The following ADAMTS18 variants were observed in gnomAD, a reference collection of about 807,000 sequenced individuals.
ADAMTS18 encodes ADAM metallopeptidase with thrombospondin type 1 motif 18, also known as A disintegrin and metalloproteinase with thrombospondin motifs 18.
A neutral mutation model predicts 165.9 loss-of-function variants in ADAMTS18; 157 were observed. That is an observed-to-expected ratio of 0.95 (90% CI 0.83 to 1.08). The LOEUF (loss-of-function observed/expected upper bound fraction) is 1.08, where lower values mean the gene tolerates loss of function less well. Ranked by LOEUF, ADAMTS18 falls within the 50% of genes least tolerant of loss-of-function variation. The pLI, the probability that ADAMTS18 is intolerant of heterozygous loss-of-function variation, is 0.00. For synonymous variants in ADAMTS18, 782 were observed against 578.2 expected, an observed-to-expected ratio of 1.35 and a Z score of -5.06; for missense variants, 2,040 against 1,534.0, an observed-to-expected ratio of 1.33 and a Z score of -5.51.
rs2055321024 is a variant in ADAMTS18, at chr16:77,289,419, A to G, written c.3403-8T>C. 2 of 1,613,826 alleles carry G rather than the reference A, an allele frequency of 1.2e-6. No homozygotes were observed. The highest frequency in any genetic ancestry group is 2.2e-5 in the East Asian group (1 of 44,872). ...CCCACAGGTGACTGTGCACTGCAGC[A>G]GAGAGAAGAGGAAGGAGTCAGAAAC... On this transcript the variant is annotated splice_polypyrimidine_tract_variant and splice_region_variant and intron_variant, in intron 21 of 22. Coordinates refer to ENST00000282849, the MANE Select transcript of ADAMTS18 (RefSeq NM_199355.4).
At chr16:77,425,748 A>G (rs2057663285) in intron 3 of ADAMTS18, among the ~76,000 whole-genome samples, 2 of 152,112 alleles carry the variant, frequency 1.3e-5, no homozygotes, top group African/African-American at 4.8e-5. Flanking sequence ...GTGGTTCAAA[A>G]AGAGGAGGAG....
intron 3 of ADAMTS18, among the ~76,000 whole-genome samples, chr16:77,424,441 C>A (rs990541258): frequency 1.3e-5 from 2 of 150,378 alleles, no homozygotes; most frequent in Admixed American, 6.7e-5. Flanking sequence ...GCACTCCAGC[C>A]TGGGCAACAA....
At chr16:77,314,074 G>A (rs1031333338) in intron 16 of ADAMTS18, among the ~76,000 whole-genome samples, 1 of 152,084 alleles carries the variant, frequency 6.6e-6, no homozygotes, top group Non-Finnish European at 1.5e-5. Context: ...TGAGGGGGCT[G>A]GAAGAACATT....
At chr16:77,349,699 C>T (rs561783716) in intron 10 of ADAMTS18, among the ~76,000 whole-genome samples, 1 of 152,278 alleles carries the variant, frequency 6.6e-6, no homozygotes, top group South Asian at 2.1e-4. Flanking sequence ...AGACCTGTCT[C>T]CCGGGTGCAT....
chr16:77,409,633 T>C (rs993281200), intron 3 of ADAMTS18, among the ~76,000 whole-genome samples: 2 of 152,102 alleles, frequency 1.3e-5, no homozygotes, highest in African/African-American at 4.8e-5. Flanking sequence ...AACCCTTAAA[T>C]CAACAGGTTT....
In ADAMTS18 at chr16:77,364,289, T is replaced by C. The variant is rs1228672096; in HGVS notation, c.871A>G (p.Lys291Glu). ...ACGAGGGTTTCCACATTGAGGCCCT[T>C]TTGTGATTTTCCAGCTGATCTTCTG... is the stretch of plus-strand genomic sequence containing the variant. ...RPRRSAGKSQ[K>E]GLNVETLVVA... Residue 291 changes from lysine (K) to glutamate (E), a missense_variant, in exon 5 of 23, where the codon AAG becomes GAG. Transcript: ENST00000282849. The C allele has an allele frequency of 1.9e-6, 3 of 1,613,944 alleles. No homozygotes were observed. The highest frequency in any genetic ancestry group is 1.3e-5 in the African/African-American group (1 of 74,946).
chr16:77,285,760 A>G (rs1376656872), intron 22 of ADAMTS18, among the ~76,000 whole-genome samples: 2 of 152,116 alleles, frequency 1.3e-5, no homozygotes, highest in East Asian at 3.9e-4. Context: ...CCTTGGAATC[A>G]TTTCTTTGCT....
At chr16:77,409,948 G>A (rs1268445739) in intron 3 of ADAMTS18, among the ~76,000 whole-genome samples, 1 of 152,044 alleles carries the variant, frequency 6.6e-6, no homozygotes, top group Non-Finnish European at 1.5e-5. Flanking sequence ...GTATTTGTCT[G>A]GGTGGGATCA....
chr16:77,312,560 A>C (rs1240545345), intron 16 of ADAMTS18, among the ~76,000 whole-genome samples: 1 of 152,170 alleles, frequency 6.6e-6, no homozygotes, highest in Non-Finnish European at 1.5e-5. Context: ...ACTTCTAACT[A>C]TCAGGAAAAA....
chr16:77,415,038 A>C (rs142914319), intron 3 of ADAMTS18, among the ~76,000 whole-genome samples: 484 of 152,328 alleles, frequency 3.2e-3, no homozygotes, highest in African/African-American at 0.011. Context: ...TGACATAGAA[A>C]GTAGTGAATC....
chr16:77,335,980 A>T, intron 11 of ADAMTS18, 76 bp from the exon 12 acceptor site: 1 of 1,565,826 alleles, frequency 6.4e-7, no homozygotes, highest in South Asian at 1.1e-5. Context: ...ACACCTGCAC[A>T]GTAACAGGAA....
At chr16:77,336,365 G>C (rs534923294) in intron 11 of ADAMTS18, among the ~76,000 whole-genome samples, 2 of 152,242 alleles carry the variant, frequency 1.3e-5, no homozygotes, top group South Asian at 2.1e-4. Context: ...TGAAGTAACA[G>C]TTAAGATATT....
At chr16:77,429,937 A>G (rs2057718208) in intron 3 of ADAMTS18, among the ~76,000 whole-genome samples, 1 of 152,218 alleles carries the variant, frequency 6.6e-6, no homozygotes, top group Admixed American at 6.5e-5. Context: ...TACTTAACAC[A>G]GAGTTAAACA....
chr16:77,323,792 G>A (rs550402324), intron 13 of ADAMTS18, among the ~76,000 whole-genome samples: 7 of 152,226 alleles, frequency 4.6e-5, no homozygotes, highest in African/African-American at 1.2e-4. Flanking sequence ...AAGCCTTAAC[G>A]TTTCTGTCTC....
chr16:77,316,273 T>G (rs1029688778), intron 16 of ADAMTS18, among the ~76,000 whole-genome samples: 3 of 144,456 alleles, frequency 2.1e-5, no homozygotes, highest in Non-Finnish European at 4.6e-5. Context: ...TTTTTTTTTT[T>G]GAGACAGAGT....
At chr16:77,381,858 G>C (rs559841862) in intron 3 of ADAMTS18, among the ~76,000 whole-genome samples, 3 of 152,090 alleles carry the variant, frequency 2.0e-5, no homozygotes, top group South Asian at 4.2e-4. Flanking sequence ...ACACCAAAAA[G>C]TATGAAAAAA....
In ADAMTS18 at chr16:77,434,398, G is replaced by A. The variant is rs777968512; in HGVS notation, c.178+20C>T. ...AGTGCTGCGAAAGGCCCTTCTTGGG[G>A]ATGGGGGGCAAATACGAACCATCAT... On this transcript the variant is annotated intron_variant, in intron 2 of 22. Coordinates refer to ENST00000282849, the MANE Select transcript of ADAMTS18 (RefSeq NM_199355.4). 1 of 1,561,158 alleles carries A rather than the reference G, an allele frequency of 6.4e-7. No individual in the cohort carries two copies. Among genetic ancestry groups the A allele is most frequent in the Non-Finnish European group, 8.6e-7 (1 of 1,159,470 alleles).
intron 16 of ADAMTS18, among the ~76,000 whole-genome samples, chr16:77,313,283 G>A (rs576520216): frequency 2.0e-5 from 3 of 152,052 alleles, no homozygotes; most frequent in African/African-American, 4.8e-5. Flanking sequence ...AACACACACC[G>A]GGGCCTGTCG....
intron 12 of ADAMTS18, among the ~76,000 whole-genome samples, chr16:77,335,317 G>A (rs1235628455): frequency 6.6e-6 from 1 of 151,202 alleles, no homozygotes; most frequent in Non-Finnish European, 1.5e-5. Context: ...GCTAGAGAGT[G>A]CATTGACAGA....
Sources: gnomAD v4.1 joint callset for allele counts (sites outside exome capture counted in the v4.1 genomes callset) on GRCh38, gnomAD v4.1.1 for gene constraint, MANE v1.5 for transcripts, NCBI Gene and HGNC (gene_info 2026-07-23, HGNC 2026-07-21) for gene names.